The following COG1 variants were observed in gnomAD, a reference collection of about 807,000 sequenced individuals.
The protein encoded by COG1 is conserved oligomeric Golgi complex subunit 1.
COG1 carries 61 observed loss-of-function variants against 102.2 expected under a neutral mutation model. The ratio of observed to expected loss-of-function variants is 0.60; its 90% confidence interval spans 0.49 to 0.74. COG1 has a LOEUF of 0.74. COG1 is among the 30% of genes least tolerant of loss of function. The pLI is 0.00. For missense variants in COG1, 1,164 were observed against 1,232.1 expected, an observed-to-expected ratio of 0.94 and a Z score of 0.83; for synonymous variants, 454 against 493.6, an observed-to-expected ratio of 0.92 and a Z score of 1.06.
At position 73,198,658 on chromosome 17, in the gene COG1, G is replaced by A. The variant is rs1219975159; in HGVS notation, c.914-1207G>A. ...TTGGAATGGGACTGTGAAGCGGGCA[G>A]GTGCCTGAGGGCCCAGAACAGATCG... On this transcript the variant is annotated intron_variant, in intron 4 of 13. Coordinates refer to ENST00000299886, the MANE Select transcript of COG1 (RefSeq NM_018714.3). 2.6e-5 allele frequency among the ~76,000 whole-genome samples: 4 copies of A among 152,322 alleles called. No individual in the cohort carries two copies. The East Asian group carries it at 7.7e-4, about 29-fold the overall frequency.
Position 73,201,866 on chromosome 17 carries a change from T to G in COG1, c.2039T>G (p.Met680Arg). 1 of 1,614,214 alleles carries G rather than the reference T, an allele frequency of 6.2e-7. No individual in the cohort carries two copies. The highest frequency in any genetic ancestry group is 8.5e-7 in the Non-Finnish European group (1 of 1,180,034). ...VKEVLLQQSV[M>R]GYQVWSSAVV... ...GAAGTACTCCTCCAGCAGAGCGTGA[T>G]GGGCTACCAGGTCTGGAGCAGTGCA... The change falls in exon 7 of 14, where the codon ATG becomes AGG. Residue 680 changes from methionine to arginine, a missense_variant. Physicochemically the swap from Met to Arg is moderately conservative, Grantham distance 91 (BLOSUM62 -1). Coordinates refer to ENST00000299886, the MANE Select transcript of COG1 (RefSeq NM_018714.3).
chr17:73,195,284 G>A (rs1300657274), intron 1 of COG1, among the ~76,000 whole-genome samples: 1 of 152,142 alleles, frequency 6.6e-6, no homozygotes, highest in Non-Finnish European at 1.5e-5. Context: ...CCTGGTCGAG[G>A]AAATAAATCC....
In COG1 at chr17:73,206,194, C is replaced by A. The variant is rs2061370968; in HGVS notation, c.2551C>A (p.Pro851Thr). The A allele has an allele frequency of 2.5e-6, 4 of 1,614,076 alleles. No individual in the cohort carries two copies. In the Admixed American group the frequency reaches 6.7e-5, roughly 27 times the overall value. ...TGACCACCTGGAAGCCCTCATTGAT[C>A]CATTTGACCTGGACGTTTTCACGCC... ...VTDHLEALID[P>T]FDLDVFTPHL... The change falls in exon 11 of 14, where the codon CCA (proline) becomes ACA (threonine). Residue 851 changes from proline (P) to threonine (T), a missense_variant. Transcript: ENST00000299886.
chr17:73,203,115 G>C lies in COG1; in HGVS notation c.2189G>C (p.Ser730Thr). ...EIQEEAESGS[S>T]VTSKIRLPAQ... ...CAGGAGGAGGCAGAGTCTGGCAGCA[G>C]TGTCACATCCAAGATCCGACTCCCT... Residue 730 changes from serine (S) to threonine (T), a missense_variant, in exon 8 of 14, where the codon AGT (serine) becomes ACT (threonine). By Grantham distance (58) the Ser-to-Thr change is moderately conservative (BLOSUM62 1). Coordinates refer to ENST00000299886, the MANE Select transcript of COG1 (RefSeq NM_018714.3). 1 of 1,614,222 alleles carries C rather than the reference G, an allele frequency of 6.2e-7. No individual in the cohort carries two copies. The highest frequency in any genetic ancestry group is 1.3e-5 in the African/African-American group (1 of 75,068).
At chr17:73,197,502 G>C in intron 4 of COG1, 106 bp downstream of exon 4, 1 of 1,226,158 alleles carries the variant, frequency 8.2e-7, no homozygotes, top group Non-Finnish European at 1.2e-6. Context: ...ATGGAGCAGT[G>C]AACTGGACAA....
At position 73,201,785 on chromosome 17, in the gene COG1, G is replaced by A. The variant is rs727503879; in HGVS notation, c.1958G>A (p.Gly653Glu). ...GAGTTTAGGGCTCTGAGAAAACAGG[G>A]AAAGGTGAAAACTCAGGAAATCATT... The part of the protein sequence containing the change: ...AREFRALRKQ[G>E]KVKTQEIIPT... The change falls in exon 7 of 14, where the codon GGA becomes GAA. Residue 653 changes from glycine to glutamate, a missense_variant. By Grantham distance (98) the Gly-to-Glu change is moderately conservative. Transcript: ENST00000299886. 7.4e-6 allele frequency: 12 copies of A among 1,614,196 alleles called. No homozygotes were observed. The South Asian group carries it at 1.3e-4, about 18-fold the overall frequency.
At position 73,203,111 on chromosome 17, in the gene COG1, A is replaced by G; in HGVS notation, c.2185A>G (p.Ser729Gly). 6.2e-7 allele frequency: 1 copy of G among 1,614,250 alleles called. No homozygotes were observed. Among genetic ancestry groups the G allele is most frequent in the South Asian group, 1.1e-5 (1 of 91,086 alleles). Residue 729 changes from serine to glycine, a missense_variant, in exon 8 of 14, where the codon AGC becomes GGC. Coordinates refer to ENST00000299886, the MANE Select transcript of COG1 (RefSeq NM_018714.3). ...AATTCAGGAGGAGGCAGAGTCTGGC[A>G]GCAGTGTCACATCCAAGATCCGACT... The part of the protein sequence containing the change: ...LEIQEEAESG[S>G]SVTSKIRLPA...
chr17:73,203,920 G>C lies in COG1; in HGVS notation c.2382+127G>C, dbSNP rs1203570469. On this transcript the variant is annotated intron_variant, in intron 9 of 13. Transcript: ENST00000299886. ...TAAGGATCACCCAGCCCAGGCATCG[G>C]GTCCTGTAAAAATGCTCTATCTTAG... The C allele has an allele frequency of 2.6e-5, 28 of 1,073,796 alleles. 1 individual carries two copies. The East Asian group carries it at 7.1e-4, about 27-fold the overall frequency. 66.5% of individuals were successfully genotyped at this position (1,073,796 alleles called of 1,614,324 possible). A position where few individuals can be genotyped will look rare whatever the true frequency, so the allele number is the denominator to read the frequency against.
At chr17:73,206,075 T>C in intron 10 of COG1, 79 bp from the exon 11 acceptor site, 1 of 1,189,774 alleles carries the variant, frequency 8.4e-7, no homozygotes, top group African/African-American at 1.5e-5. Context: ...ACTCCAAGAT[T>C]TCTACAGCAG....
chr17:73,197,994 C>T lies in COG1; in HGVS notation c.913+598C>T, dbSNP rs150969130. On this transcript the variant is annotated intron_variant, in intron 4 of 13. Coordinates refer to ENST00000299886, the MANE Select transcript of COG1 (RefSeq NM_018714.3). ...GTGCGGACCCTCTGTTATGTGTGCC[C>T]GTGCATCCTGTACTTTTATTTGGTA... 3.9e-5 allele frequency among the ~76,000 whole-genome samples: 6 copies of T among 152,282 alleles called. No individual in the cohort carries two copies. The East Asian group carries it at 5.8e-4, about 15-fold the overall frequency.
In COG1 at chr17:73,196,722, C is replaced by T; in HGVS notation, c.531C>T (p.Ile177=). The T allele has an allele frequency of 6.2e-7, 1 of 1,614,058 alleles. No homozygotes were observed. The highest frequency in any genetic ancestry group is 1.1e-5 in the South Asian group (1 of 91,078). The change falls in exon 2 of 14, where the codon ATC becomes ATT. Residue 177 remains isoleucine, a synonymous_variant. Coordinates refer to ENST00000299886, the MANE Select transcript of COG1 (RefSeq NM_018714.3). Reference sequence around the variant, plus strand: ...TCCTCTCCCGGTTTCCTATACTCATCCGGCAGGTGGCAGCCGCCAGCCACT... The same window carrying T: ...TCCTCTCCCGGTTTCCTATACTCATTCGGCAGGTGGCAGCCGCCAGCCACT... ...SPVLSRFPIL[I]RQVAAASHFR... is the part of the protein sequence containing the mutation.
At chr17:73,205,362 TTTTTAA>T (rs1204732726) in intron 9 of COG1, 185 bp from the exon 10 acceptor site, 2 of 647,798 alleles carry the variant, frequency 3.1e-6, no homozygotes, top group Non-Finnish European at 5.5e-6. Flanking sequence ...TGCTGTTAGG[TTTTTAA>T]TTTTAAGGTC....
chr17:73,193,510 C>A, intron 1 of COG1, 126 bp downstream of exon 1: 1 of 885,874 alleles, frequency 1.1e-6, no homozygotes, highest in South Asian at 2.3e-5. Context: ...TAGCCAGGAG[C>A]CTATCCGCCC....
At position 73,193,135 on chromosome 17, in the gene COG1, C is replaced by A. The variant is rs372590378; in HGVS notation, c.66C>A (p.Phe22Leu). ...RLDLRDPAALFETHGAEEIRG... is the reference protein window; with the variant it reads ...RLDLRDPAALLETHGAEEIRG... ...ATCTGCGCGACCCTGCGGCTCTTTT[C>A]GAGACGCATGGAGCGGAGGAGATCC... is the stretch of plus-strand genomic sequence containing the variant. Residue 22 changes from phenylalanine to leucine, a missense_variant, in exon 1 of 14, where the codon TTC becomes TTA. Coordinates refer to ENST00000299886, the MANE Select transcript of COG1 (RefSeq NM_018714.3). 9 of 1,610,774 alleles carry A rather than the reference C, an allele frequency of 5.6e-6. No homozygotes were observed. The African/African-American group carries it at 1.1e-4, about 19-fold the overall frequency.
At chr17:73,200,420 T>C (rs1037304089) in intron 5 of COG1, 146 bp from the exon 6 acceptor site, 4 of 868,984 alleles carry the variant, frequency 4.6e-6, no homozygotes, top group Non-Finnish European at 7.8e-6. Flanking sequence ...TCTGTGTTGC[T>C]ACAGGTCTAT....
In COG1 at chr17:73,205,576, C is replaced by T. The variant is rs149083729; in HGVS notation, c.2406C>T (p.Thr802=). 4.1e-5 allele frequency: 66 copies of T among 1,614,134 alleles called. No homozygotes were observed. In the African/African-American group the frequency reaches 5.7e-4, roughly 14 times the overall value. Residue 802 remains threonine, a synonymous_variant, in exon 10 of 14, where the codon ACC becomes ACT. Coordinates refer to ENST00000299886, the MANE Select transcript of COG1 (RefSeq NM_018714.3). ...QIKKEGAFPV[T]QNRALQLLYD... ...AGAAAGAAGGTGCATTTCCAGTCAC[C>T]CAGAACCGGGCGCTGCAGCTGCTTT... is the stretch of plus-strand genomic sequence containing the variant.
At chr17:73,206,060 A>G in intron 10 of COG1, 94 bp from the exon 11 acceptor site, 2 of 1,062,168 alleles carry the variant, frequency 1.9e-6, no homozygotes, top group South Asian at 2.5e-5. Flanking sequence ...GTAGAATAAA[A>G]CCCAACTCCA....
chr17:73,201,466 G>C lies in COG1; in HGVS notation c.1639G>C (p.Val547Leu). ...PSDDSSLPKD[V>L]SPTQAKSSAF... is the part of the protein sequence containing the mutation. ...TGATGACTCATCACTGCCCAAGGAC[G>C]TTTCTCCCACACAGGCCAAGAGTTC... is the stretch of plus-strand genomic sequence containing the variant. The change falls in exon 7 of 14, where the codon GTT becomes CTT. Residue 547 changes from valine (V) to leucine (L), a missense_variant. Physicochemically the swap from Val to Leu is conservative, Grantham distance 32. Coordinates refer to ENST00000299886, the MANE Select transcript of COG1 (RefSeq NM_018714.3). 1 of 1,614,258 alleles carries C rather than the reference G, an allele frequency of 6.2e-7. No individual in the cohort carries two copies. The highest frequency in any genetic ancestry group is 1.1e-5 in the South Asian group (1 of 91,088).
At chr17:73,206,651 T>A in intron 11 of COG1, 57 bp from the exon 12 acceptor site, 2 of 1,155,498 alleles carry the variant, frequency 1.7e-6, no homozygotes, top group Admixed American at 1.9e-5. Flanking sequence ...TTTTTTTTTT[T>A]TTTTGCCTTT....
Sources: gnomAD v4.1 joint callset for allele counts (sites outside exome capture counted in the v4.1 genomes callset) on GRCh38, gnomAD v4.1.1 for gene constraint, MANE v1.5 for transcripts, NCBI Gene and HGNC (gene_info 2026-07-23, HGNC 2026-07-21) for gene names.